CCR3: variants seen among roughly 807,000 people sequenced by gnomAD.
CCR3 encodes C-C chemokine receptor type 3.
For missense variants in CCR3, 419 were observed against 437.5 expected, an observed-to-expected ratio of 0.96 and a Z score of 0.38; for synonymous variants, 203 against 179.2, an observed-to-expected ratio of 1.13 and a Z score of -1.06.
upstream of CCR3, among the ~76,000 whole-genome samples, chr3:46,241,274 A>T (rs561585339): frequency 2.0e-5 from 3 of 152,204 alleles, no homozygotes; most frequent in East Asian, 5.8e-4. Flanking sequence ...CACATATCAA[A>T]CGTTTGATAA....
At chr3:46,255,257 G>A (rs188193320) in intron 1 of CCR3, among the ~76,000 whole-genome samples, 1 of 151,890 alleles carries the variant, frequency 6.6e-6, no homozygotes, top group East Asian at 1.9e-4. Context: ...TTTTTTTCTT[G>A]ATGATTTGTT....
At chr3:46,247,195 A>G (rs1164551501) in intron 1 of CCR3, among the ~76,000 whole-genome samples, 1 of 152,122 alleles carries the variant, frequency 6.6e-6, no homozygotes, top group African/African-American at 2.4e-5. Flanking sequence ...ATGGCTTGAA[A>G]AAACAGTGTA....
chr3:46,211,398 T>TATATATA (rs1491504808), intron 2 of CCR3, among the ~76,000 whole-genome samples: 1 of 125,842 alleles, frequency 7.9e-6, no homozygotes, highest in African/African-American at 2.8e-5. Flanking sequence ...TATATATATA[T>TATATATA]TTTTTGTAGA....
intron 1 of CCR3, among the ~76,000 whole-genome samples, chr3:46,259,728 G>A (rs1700488379): frequency 6.6e-6 from 1 of 152,144 alleles, no homozygotes; most frequent in African/African-American, 2.4e-5. Context: ...GGTAAAAAAA[G>A]ACTGTATGTA....
rs776161115 is a variant in CCR3, at chr3:46,265,991, A to T, written c.833A>T (p.His278Leu). The change falls in exon 2 of 2, where the codon CAT (histidine) becomes CTT (leucine). Residue 278 changes from histidine (H) to leucine (L), a missense_variant. By Grantham distance (99) the His-to-Leu change is moderately conservative. Coordinates refer to ENST00000395940, the MANE Select transcript of CCR3 (RefSeq NM_178329.3). ...LFGNDCERSKHLDLVMLVTEV... is the reference protein window; with the variant it reads ...LFGNDCERSKLLDLVMLVTEV... ...GGAAATGACTGTGAGCGGAGCAAGC[A>T]TCTGGACCTGGTCATGCTGGTGACA... 2 of 1,614,122 alleles carry T rather than the reference A, an allele frequency of 1.2e-6. No individual in the cohort carries two copies. Among genetic ancestry groups the T allele is most frequent in the African/African-American group, 1.3e-5 (1 of 75,034 alleles).
chr3:46,251,238 G>T (rs999286139), intron 1 of CCR3, among the ~76,000 whole-genome samples: 2 of 152,138 alleles, frequency 1.3e-5, no homozygotes, highest in Non-Finnish European at 2.9e-5. Flanking sequence ...AGGCGTCCCT[G>T]CAATGATTAA....
intron 1 of CCR3, among the ~76,000 whole-genome samples, chr3:46,253,443 T>C (rs1334469812): frequency 3.9e-5 from 6 of 152,176 alleles, no homozygotes; most frequent in African/African-American, 1.4e-4. Flanking sequence ...ATGGATACGC[T>C]TGGCTTCTTC....
At chr3:46,255,798 G>A (rs958468417) in intron 1 of CCR3, among the ~76,000 whole-genome samples, 4 of 152,114 alleles carry the variant, frequency 2.6e-5, no homozygotes, top group Middle Eastern at 3.4e-3. Context: ...GGTGACTATG[G>A]CCTTATATTA....
At chr3:46,256,122 C>A (rs1045799869) in intron 1 of CCR3, among the ~76,000 whole-genome samples, 2 of 151,896 alleles carry the variant, frequency 1.3e-5, no homozygotes, top group Admixed American at 6.6e-5. Context: ...GTATTTTGAA[C>A]TTTTTTTGTG....
intron 1 of CCR3, chr3:46,264,460 G>A (rs1461231149): frequency 9.2e-6 from 14 of 1,515,806 alleles, no homozygotes; most frequent in Admixed American, 8.5e-5. Context: ...CCTCAAGTCC[G>A]TAGCAAATTT....
chr3:46,265,497 T>A lies in CCR3; in HGVS notation c.339T>A (p.Tyr113Ter), dbSNP rs531608079. 4.3e-6 allele frequency: 7 copies of A among 1,614,200 alleles called. No homozygotes were observed. The Admixed American group carries it at 1.2e-4, about 27-fold the overall frequency. Reference protein sequence around the residue: ...HGMCKLLSGFYHTGLYSEIFF... With the variant: ...HGMCKLLSGF ...TGTGTAAGCTCCTCTCAGGGTTTTA[T>A]CACACAGGCTTGTACAGCGAGATCT... The change falls in exon 2 of 2, where the codon TAT becomes TAA. Residue 113 changes from tyrosine (Y) to a stop codon, truncating the protein, a stop_gained. Transcript: ENST00000395940. LOFTEE classifies it low-confidence loss of function (END_TRUNC).
chr3:46,238,950 T>A (rs1414922448), upstream of CCR3, among the ~76,000 whole-genome samples: 1 of 151,966 alleles, frequency 6.6e-6, no homozygotes, highest in Non-Finnish European at 1.5e-5. Flanking sequence ...GATAAGGGAG[T>A]CATTGATTGA....
At chr3:46,233,544 G>GC (rs1158072321) in intron 2 of CCR3, among the ~76,000 whole-genome samples, 1 of 151,588 alleles carries the variant, frequency 6.6e-6, no homozygotes, top group African/African-American at 2.4e-5. Context: ...CTTTTTTCCC[G>GC]CCCCCCAGAA....
At chr3:46,262,750 G>C (rs1034334125) in intron 1 of CCR3, among the ~76,000 whole-genome samples, 1 of 152,110 alleles carries the variant, frequency 6.6e-6, no homozygotes, top group African/African-American at 2.4e-5. Flanking sequence ...AACCTTCTAG[G>C]CTCAAGGGAT....
At chr3:46,241,831 A>G (rs775106411), upstream of CCR3, among the ~76,000 whole-genome samples, 2 of 152,132 alleles carry the variant, frequency 1.3e-5, no homozygotes, top group Non-Finnish European at 2.9e-5. Context: ...TTCATTCTTC[A>G]TCCTGTCTCC....
Position 46,266,398 on chromosome 3 carries a change from G to C in CCR3, c.*172G>C, listed in dbSNP as rs1700635588. On this transcript the variant is annotated 3_prime_UTR_variant, in exon 2 of 2. Transcript: ENST00000395940. ...TAGCAGTAGATGCATGTACCCTAAG[G>C]TCATTACCACAGGCCAGGGGCTGGG... 1.7e-6 allele frequency: 1 copy of C among 581,994 alleles called. No individual in the cohort carries two copies. 36.1% of individuals were successfully genotyped at this position (581,994 alleles called of 1,614,324 possible).
At position 46,266,192 on chromosome 3, in the gene CCR3, C is replaced by T. The variant is rs1700631363; in HGVS notation, c.1034C>T (p.Ser345Phe). The change falls in exon 2 of 2, where the codon TCC becomes TTC. Residue 345 changes from serine to phenylalanine, a missense_variant. Coordinates refer to ENST00000395940, the MANE Select transcript of CCR3 (RefSeq NM_178329.3). ...KLERTSSVSP[S>F]TAEPELSIVF ...GAAAGAACCAGCTCTGTCTCTCCATCCACAGCAGAGCCGGAACTCTCTATT... is the reference window on the plus strand; with the variant it reads ...GAAAGAACCAGCTCTGTCTCTCCATTCACAGCAGAGCCGGAACTCTCTATT... 3 of 1,613,496 alleles carry T rather than the reference C, an allele frequency of 1.9e-6. No homozygotes were observed. The highest frequency in any genetic ancestry group is 1.7e-5 in the Admixed American group (1 of 59,972).
Position 46,246,449 on chromosome 3 carries a change from T to C in CCR3, c.-12+3911T>C, listed in dbSNP as rs534738302. ...AGAGGAAAATTACAGTCAAAGGGGG[T>C]TTGTTCTCTGGCGGGCAGGAGTGGG... On this transcript the variant is annotated intron_variant, in intron 1 of 1. Coordinates refer to ENST00000395940, the MANE Select transcript of CCR3 (RefSeq NM_178329.3). Among the ~76,000 whole-genome samples, 55 of 151,284 alleles carry C rather than the reference T, an allele frequency of 3.6e-4. 1 individual carries two copies. The highest frequency in any genetic ancestry group is 1.3e-3 in the African/African-American group (54 of 41,144).
At chr3:46,251,957 A>G (rs969541810) in intron 1 of CCR3, among the ~76,000 whole-genome samples, 1 of 152,144 alleles carries the variant, frequency 6.6e-6, no homozygotes, top group African/African-American at 2.4e-5. Context: ...AAGGTGGGGC[A>G]GGGCATATTC....
Sources: allele counts gnomAD v4.1 joint callset (sites outside exome capture counted in the v4.1 genomes callset), GRCh38; gene constraint gnomAD v4.1.1; transcripts MANE v1.5; gene names NCBI Gene and HGNC (gene_info 2026-07-23, HGNC 2026-07-21).